The following CLCN3 variants were observed in gnomAD, a reference collection of about 807,000 sequenced individuals.
The protein encoded by CLCN3 is H(+)/Cl(-) exchange transporter 3.
In CLCN3, 16 loss-of-function variants were observed where a neutral mutation model predicts 83.4. The observed-to-expected ratio is 0.19, with a 90% CI of 0.13 to 0.29. The LOEUF (loss-of-function observed/expected upper bound fraction) is 0.29. CLCN3 is among the 10% of genes least tolerant of loss of function. CLCN3 has a pLI of 1.00. For synonymous variants in CLCN3, 322 were observed against 346.2 expected, an observed-to-expected ratio of 0.93 and a Z score of 0.78; for missense variants, 544 against 1,006.0, an observed-to-expected ratio of 0.54 and a Z score of 6.21.
chr4:169,662,666 G>T (rs1731098260), intron 2 of CLCN3: 1 of 152,090 alleles, frequency 6.6e-6, no homozygotes, highest in Admixed American at 6.6e-5. Flanking sequence ...TATAGCCAAG[G>T]ATTACCTTTG....
chr4:169,636,239 C>A, intron 2 of CLCN3, 151 bp downstream of exon 2: 2 of 688,490 alleles, frequency 2.9e-6, no homozygotes, highest in Non-Finnish European at 4.7e-6. Context: ...AAGTGTGGAA[C>A]TGAGTGGCAT....
chr4:169,695,932 T>A lies in CLCN3; in HGVS notation c.1017+240T>A, dbSNP rs146427652. On this transcript the variant is annotated intron_variant, in intron 8 of 12. Coordinates refer to ENST00000513761, the MANE Select transcript of CLCN3 (RefSeq NM_001829.4). ...GTTAGTAATTATTTAAAATCTAACT[T>A]TGTTGACATATTTAAAAGTAAGAAG... Among the ~76,000 whole-genome samples the A allele has an allele frequency of 3.4e-3, 521 of 152,342 alleles. 3 individuals are homozygous for A. Among genetic ancestry groups the A allele is most frequent in the Middle Eastern group, 0.014 (4 of 294 alleles).
chr4:169,652,952 T>C (rs1212362964), intron 2 of CLCN3, among the ~76,000 whole-genome samples: 1 of 152,214 alleles, frequency 6.6e-6, no homozygotes, highest in Non-Finnish European at 1.5e-5. Context: ...ATCTTACAGA[T>C]TTGTAGAAGT....
At chr4:169,697,067 A>T in intron 8 of CLCN3, 122 bp from the exon 9 acceptor site, 2 of 653,030 alleles carry the variant, frequency 3.1e-6, no homozygotes, top group Non-Finnish European at 5.0e-6. Flanking sequence ...AAAATCCATT[A>T]CATGTAAATT....
intron 1 of CLCN3, among the ~76,000 whole-genome samples, chr4:169,629,032 A>G (rs1773302359): frequency 6.6e-6 from 1 of 152,230 alleles, no homozygotes. Flanking sequence ...GAGAACAAAG[A>G]GTTAATCCCC....
chr4:169,701,614 C>A (rs1732788515), intron 9 of CLCN3, among the ~76,000 whole-genome samples: 1 of 152,140 alleles, frequency 6.6e-6, no homozygotes, highest in Non-Finnish European at 1.5e-5. Flanking sequence ...GCAACCTCAA[C>A]TCTTGCCTTC....
At chr4:169,663,943 T>C (rs1237212231) in intron 2 of CLCN3, among the ~76,000 whole-genome samples, 1 of 152,204 alleles carries the variant, frequency 6.6e-6, no homozygotes, top group East Asian at 1.9e-4. Context: ...GATAGAAATC[T>C]CTTCTTCCCC....
intron 8 of CLCN3, among the ~76,000 whole-genome samples, chr4:169,696,210 C>T (rs1732558805): frequency 6.6e-6 from 1 of 152,152 alleles, no homozygotes; most frequent in Non-Finnish European, 1.5e-5. Context: ...CTGCCTCAGC[C>T]TCCCAAGTAG....
At chr4:169,632,216 C>A (rs1186245967) in intron 1 of CLCN3, among the ~76,000 whole-genome samples, 1 of 152,014 alleles carries the variant, frequency 6.6e-6, no homozygotes, top group Non-Finnish European at 1.5e-5. Context: ...GCAGAGGGAG[C>A]AACAAAGGCC....
chr4:169,718,775 C>G (rs1180737656), intron 12 of CLCN3, among the ~76,000 whole-genome samples: 2 of 152,176 alleles, frequency 1.3e-5, no homozygotes, highest in African/African-American at 4.8e-5. Context: ...TAATATTTCA[C>G]AAGTGTTTCA....
intron 1 of CLCN3, among the ~76,000 whole-genome samples, chr4:169,624,118 C>G (rs548715575): frequency 4.6e-5 from 7 of 152,272 alleles, no homozygotes; most frequent in African/African-American, 1.7e-4. Context: ...GTAGACCACA[C>G]TAATTCCTAT....
At chr4:169,658,590 A>G (rs187398038) in intron 2 of CLCN3, among the ~76,000 whole-genome samples, 2 of 152,228 alleles carry the variant, frequency 1.3e-5, no homozygotes, top group Admixed American at 1.3e-4. Flanking sequence ...CACACTCCCA[A>G]ATTTACATTG....
At chr4:169,629,786 T>C (rs1217568852) in intron 1 of CLCN3, among the ~76,000 whole-genome samples, 1 of 152,146 alleles carries the variant, frequency 6.6e-6, no homozygotes, top group Non-Finnish European at 1.5e-5. Flanking sequence ...CAGAAATAAA[T>C]TTAATATTCA....
intron 2 of CLCN3, among the ~76,000 whole-genome samples, chr4:169,668,928 G>A (rs576740810): frequency 1.3e-5 from 2 of 152,134 alleles, no homozygotes; most frequent in East Asian, 3.9e-4. Context: ...CAGTTTGATT[G>A]GTCTAACTTG....
chr4:169,681,116 T>G (rs188018050), intron 3 of CLCN3, among the ~76,000 whole-genome samples: 1 of 152,346 alleles, frequency 6.6e-6, no homozygotes. Flanking sequence ...TGGTGCAATC[T>G]TGGCTCACTG....
chr4:169,651,427 G>A (rs1351876816), intron 2 of CLCN3, among the ~76,000 whole-genome samples: 4 of 152,114 alleles, frequency 2.6e-5, no homozygotes, highest in Non-Finnish European at 5.9e-5. Context: ...ATCATAAGCT[G>A]AAGCAAATAT....
intron 11 of CLCN3, among the ~76,000 whole-genome samples, chr4:169,710,818 A>G (rs995385135): frequency 6.6e-6 from 1 of 152,082 alleles, no homozygotes; most frequent in African/African-American, 2.4e-5. Context: ...GTCACACTTC[A>G]TGTCTTTTTA....
chr4:169,665,625 C>A (rs1731216360), intron 2 of CLCN3, among the ~76,000 whole-genome samples: 2 of 151,406 alleles, frequency 1.3e-5, no homozygotes, highest in African/African-American at 4.8e-5. Flanking sequence ...CCATCTGGGG[C>A]TAGACTTCCT....
At chr4:169,659,388 G>A (rs1730977103) in intron 2 of CLCN3, among the ~76,000 whole-genome samples, 2 of 152,078 alleles carry the variant, frequency 1.3e-5, no homozygotes, top group Admixed American at 6.6e-5. Context: ...ACAATTTCTA[G>A]AACAGTTGAG....
Sources: gnomAD v4.1 joint callset for allele counts (sites outside exome capture counted in the v4.1 genomes callset) on GRCh38, gnomAD v4.1.1 for gene constraint, MANE v1.5 for transcripts, NCBI Gene and HGNC (gene_info 2026-07-23, HGNC 2026-07-21) for gene names.